The following MYO1D variants were observed in gnomAD, a reference collection of about 807,000 sequenced individuals.
The protein encoded by MYO1D is unconventional myosin-Id.
MYO1D carries 83 observed loss-of-function variants against 122.0 expected under a neutral mutation model. That is an observed-to-expected ratio of 0.68 (90% confidence interval 0.57 to 0.82). The LOEUF (loss-of-function observed/expected upper bound fraction) is 0.82. MYO1D is among the 40% of genes least tolerant of loss of function. The pLI is 0.00. For synonymous variants in MYO1D, 464 were observed against 446.9 expected, an observed-to-expected ratio of 1.04 and a Z score of -0.48; for missense variants, 1,157 against 1,269.5, an observed-to-expected ratio of 0.91 and a Z score of 1.35.
In MYO1D at chr17:32,516,401, A is replaced by G. The variant is rs561317065; in HGVS notation, c.2865-21486T>C. ...CTCAAGTTCATTTGACTGCTCTCTT[A>G]TTTTTTATTTTAAGTTCCCAGAAAT... is the stretch of plus-strand genomic sequence containing the variant. On this transcript the variant is annotated intron_variant, in intron 21 of 21. Coordinates refer to ENST00000318217, the MANE Select transcript of MYO1D (RefSeq NM_015194.3). Among the ~76,000 whole-genome samples the G allele has an allele frequency of 2.0e-5, 3 of 152,108 alleles. No individual in the cohort carries two copies. In the East Asian group the frequency reaches 5.8e-4, roughly 29 times the overall value.
At chr17:32,523,667 G>A (rs1056519463) in intron 21 of MYO1D, among the ~76,000 whole-genome samples, 17 of 151,924 alleles carry the variant, frequency 1.1e-4, no homozygotes, top group African/African-American at 3.6e-4. Flanking sequence ...CAGGCATGGT[G>A]GTGTGCACTT....
rs535922211 is a variant in MYO1D, at chr17:32,835,898, C to T, written c.95+40880G>A. ...AAGAGAATTAAGATTTGGGGGTTTACACTAACTGTTGGTTCATACTGCGCT... is the reference window on the plus strand; with the variant it reads ...AAGAGAATTAAGATTTGGGGGTTTATACTAACTGTTGGTTCATACTGCGCT... On this transcript the variant is annotated intron_variant, in intron 1 of 21. Transcript: ENST00000318217. 2.0e-3 allele frequency among the ~76,000 whole-genome samples: 305 copies of T among 152,272 alleles called. 3 individuals carry two copies. Among genetic ancestry groups the T allele is most frequent in the African/African-American group, 7.1e-3 (296 of 41,558 alleles).
rs773557822 is a variant in MYO1D, at chr17:32,659,290, C to T, written c.2170G>A (p.Ala724Thr). ...ARMRYKRTKAALTIIRYYRRY... is the reference protein window; with the variant it reads ...ARMRYKRTKATLTIIRYYRRY... ...CGGTAGTACCTGATTATTGTCAGAG[C>T]TGCCTTGGTTCTTTTGTACCGCATG... Residue 724 changes from alanine to threonine, a missense_variant, in exon 17 of 22, where the codon GCT (alanine) becomes ACT (threonine). By Grantham distance (58) the Ala-to-Thr change is moderately conservative. Transcript: ENST00000318217. The T allele has an allele frequency of 6.2e-7, 1 of 1,614,232 alleles. No homozygotes were observed.
chr17:32,747,352 T>C (rs927451683), intron 12 of MYO1D, among the ~76,000 whole-genome samples: 2 of 152,114 alleles, frequency 1.3e-5, no homozygotes, highest in African/African-American at 4.8e-5. Context: ...CAGTGTTCAG[T>C]GGACAGTAAA....
intron 1 of MYO1D, among the ~76,000 whole-genome samples, chr17:32,835,310 C>T (rs2090812517): frequency 6.6e-6 from 1 of 152,144 alleles, no homozygotes; most frequent in Admixed American, 6.5e-5. Context: ...CCCTGCACAA[C>T]AGCACATTTC....
intron 1 of MYO1D, chr17:32,862,872 T>C (rs752829283): frequency 1.3e-5 from 2 of 152,220 alleles, no homozygotes; most frequent in Non-Finnish European, 2.9e-5. Context: ...CCTAGGACAG[T>C]GGCTCCGAGC....
At chr17:32,708,965 A>C (rs992850861) in intron 16 of MYO1D, among the ~76,000 whole-genome samples, 4 of 152,220 alleles carry the variant, frequency 2.6e-5, no homozygotes, top group African/African-American at 9.6e-5. Context: ...CAGGAAAGGA[A>C]GAAGCCTAGT....
intron 1 of MYO1D, among the ~76,000 whole-genome samples, chr17:32,809,873 A>G (rs1023539341): frequency 6.6e-6 from 1 of 152,248 alleles, no homozygotes; most frequent in South Asian, 2.1e-4. Context: ...CAGGTGAGCT[A>G]ATAATCTATA....
intron 16 of MYO1D, among the ~76,000 whole-genome samples, chr17:32,679,620 T>A (rs1460126499): frequency 1.3e-5 from 2 of 152,192 alleles, no homozygotes; most frequent in African/African-American, 2.4e-5. Flanking sequence ...TTGATCTATA[T>A]CTCTGTTTTG....
chr17:32,871,955 T>C (rs1210167532), intron 1 of MYO1D, among the ~76,000 whole-genome samples: 2 of 152,076 alleles, frequency 1.3e-5, no homozygotes, highest in Non-Finnish European at 2.9e-5. Context: ...CAGAACATGG[T>C]AGGACAGGGA....
intron 20 of MYO1D, among the ~76,000 whole-genome samples, chr17:32,608,524 G>GAC (rs1172152930): frequency 3.9e-5 from 6 of 152,154 alleles, no homozygotes; most frequent in African/African-American, 1.4e-4. Flanking sequence ...GAACAAGTGG[G>GAC]ACTCACATGC....
At chr17:32,579,520 T>C (rs2087309517) in intron 21 of MYO1D, among the ~76,000 whole-genome samples, 1 of 152,212 alleles carries the variant, frequency 6.6e-6, no homozygotes, top group Non-Finnish European at 1.5e-5. Context: ...ATCACTGACA[T>C]ACAATAAACT....
intron 16 of MYO1D, among the ~76,000 whole-genome samples, chr17:32,668,758 G>A (rs1304961312): frequency 6.6e-6 from 1 of 150,728 alleles, no homozygotes; most frequent in Non-Finnish European, 1.5e-5. Context: ...CTGGAGTGCA[G>A]TGGCGTGATC....
intron 19 of MYO1D, among the ~76,000 whole-genome samples, chr17:32,641,713 T>G (rs1029867873): frequency 2.7e-4 from 41 of 152,256 alleles, no homozygotes; most frequent in Non-Finnish European, 8.8e-5. Flanking sequence ...CATGTGTGTG[T>G]TGGCTGCATA....
At chr17:32,569,131 A>C (rs544736687) in intron 21 of MYO1D, among the ~76,000 whole-genome samples, 1 of 152,346 alleles carries the variant, frequency 6.6e-6, no homozygotes, top group South Asian at 2.1e-4. Context: ...ATAGATGTTT[A>C]TGACTAAAAT....
intron 14 of MYO1D, among the ~76,000 whole-genome samples, chr17:32,737,720 C>T (rs1285541192): frequency 6.6e-6 from 1 of 152,176 alleles, no homozygotes; most frequent in African/African-American, 2.4e-5. Context: ...CCCGCCTTGG[C>T]CTCCCAAAGT....
rs371150333 is a variant in MYO1D, at chr17:32,735,081, AACACACACAC to A, written c.1746+3162_1746+3171del. 6.4e-3 allele frequency among the ~76,000 whole-genome samples: 882 copies of A among 138,094 alleles called. 11 individuals are homozygous for A. The highest frequency in any genetic ancestry group is 0.016 in the African/African-American group (580 of 36,432). The allele number at this position is 138,094 out of a possible 152,430, so 90.6% of individuals were successfully genotyped here. ...GGGCAACAAAGCAAGATTCCATCTG[AACACACACAC>A]ACACACACACACACACACACACACA... is the stretch of plus-strand genomic sequence containing the variant. On this transcript the variant is annotated intron_variant, in intron 14 of 21. Coordinates refer to ENST00000318217, the MANE Select transcript of MYO1D (RefSeq NM_015194.3).
At chr17:32,737,032 C>T (rs558764701) in intron 14 of MYO1D, among the ~76,000 whole-genome samples, 5 of 152,224 alleles carry the variant, frequency 3.3e-5, no homozygotes, top group African/African-American at 7.2e-5. Context: ...AGAAAGCGAC[C>T]GCACAGATGT....
At chr17:32,557,173 C>T (rs971217863) in intron 21 of MYO1D, among the ~76,000 whole-genome samples, 1 of 150,212 alleles carries the variant, frequency 6.7e-6, no homozygotes, top group Non-Finnish European at 1.5e-5. Flanking sequence ...GGCTGGAGTT[C>T]AGTGGCGTGA....
Sources: allele counts gnomAD v4.1 joint callset (sites outside exome capture counted in the v4.1 genomes callset), GRCh38; gene constraint gnomAD v4.1.1; transcripts MANE v1.5; gene names NCBI Gene and HGNC (gene_info 2026-07-23, HGNC 2026-07-21).